Variants in RIT2 observed in about 807,000 individuals in gnomAD.
RIT2 encodes the protein GTP-binding protein Rit2.
RIT2 carries 24 observed loss-of-function variants against 23.7 expected under a neutral mutation model. That is an observed-to-expected ratio of 1.01 (90% confidence interval 0.73 to 1.43). The LOEUF is 1.43. Among genes scored for constraint, RIT2 ranks in the 40% most tolerant of loss-of-function variants. RIT2 has a pLI of 0.00. For synonymous variants in RIT2, 107 were observed against 91.1 expected (o/e 1.17, Z -0.99); for missense variants, 236 against 266.9 (o/e 0.88, Z 0.81).
intron 1 of RIT2, among the ~76,000 whole-genome samples, chr18:43,079,084 A>G (rs938865810): frequency 2.6e-5 from 4 of 152,220 alleles, no homozygotes; most frequent in Admixed American, 2.6e-4. Context: ...AAAGAAAACA[A>G]TTGCAATTGC....
intron 3 of RIT2, among the ~76,000 whole-genome samples, chr18:42,930,087 T>G (rs1305616575): frequency 1.3e-5 from 2 of 152,060 alleles, no homozygotes; most frequent in Admixed American, 1.3e-4. Context: ...AAAGAGGTGG[T>G]ATGTTCTTGT....
intron 3 of RIT2, among the ~76,000 whole-genome samples, chr18:42,940,236 CTATATATATATA>C (rs5824460): frequency 0.05 from 4,340 of 86,964 alleles, 334 homozygotes; most frequent in African/African-American, 0.17. Context: ...GAAAGGCTCA[CTATATATATATA>C]TATATATATA....
In RIT2 at chr18:42,824,757, A is replaced by ATGTG. The variant is rs113714294; in HGVS notation, c.427-81041_427-81038dup. Among the ~76,000 whole-genome samples, 1,200 of 148,622 alleles carry ATGTG rather than the reference A, an allele frequency of 8.1e-3. 6 individuals carry two copies. Among genetic ancestry groups the ATGTG allele is most frequent in the Admixed American group, 0.012 (186 of 14,884 alleles). On this transcript the variant is annotated intron_variant, in intron 4 of 4. Transcript: ENST00000326695. Reference sequence around the variant, plus strand: ...TAAAACCTGTAGGGGCTTTGTGTGTATGTGTGTGTGTGTGTGTGTGTGTTT... The same window carrying ATGTG: ...TAAAACCTGTAGGGGCTTTGTGTGTATGTGTGTGTGTGTGTGTGTGTGTGTGTTT...
intron 3 of RIT2, among the ~76,000 whole-genome samples, chr18:42,964,151 A>G (rs2144190254): frequency 6.6e-6 from 1 of 152,248 alleles, no homozygotes; most frequent in East Asian, 1.9e-4. Context: ...AGATTGTGCC[A>G]TTGCACTCCA....
intron 4 of RIT2, among the ~76,000 whole-genome samples, chr18:42,851,269 T>A (rs1410659750): frequency 6.6e-6 from 1 of 152,252 alleles, no homozygotes; most frequent in Non-Finnish European, 1.5e-5. Flanking sequence ...TCATTTTAAA[T>A]GTAACTTTTC....
intron 4 of RIT2, among the ~76,000 whole-genome samples, chr18:42,802,403 C>A (rs993570218): frequency 6.6e-6 from 1 of 152,074 alleles, no homozygotes; most frequent in African/African-American, 2.4e-5. Context: ...TCAGAAATTG[C>A]ACTGTTCTTG....
chr18:42,939,345 G>A (rs574039188), intron 3 of RIT2, among the ~76,000 whole-genome samples: 50 of 152,202 alleles, frequency 3.3e-4, no homozygotes, highest in African/African-American at 1.1e-3. Flanking sequence ...GACCAAGTCC[G>A]TTATTACAAC....
intron 3 of RIT2, among the ~76,000 whole-genome samples, chr18:42,955,539 T>C (rs999383462): frequency 2.0e-5 from 3 of 152,192 alleles, no homozygotes; most frequent in Non-Finnish European, 2.9e-5. Flanking sequence ...TGACGTTTTA[T>C]GATTTCATGG....
chr18:42,802,642 T>G (rs1361456776), intron 4 of RIT2, among the ~76,000 whole-genome samples: 1 of 152,116 alleles, frequency 6.6e-6, no homozygotes, highest in African/African-American at 2.4e-5. Context: ...TCCTGGGACT[T>G]GGGACATGAT....
At chr18:42,919,017 TA>T (rs1908986101) in intron 4 of RIT2, among the ~76,000 whole-genome samples, 1 of 152,124 alleles carries the variant, frequency 6.6e-6, no homozygotes, top group South Asian at 2.1e-4. Flanking sequence ...TTGTATTATT[TA>T]AGGGGGGCTT....
chr18:42,789,169 A>G (rs1913985730), intron 4 of RIT2, among the ~76,000 whole-genome samples: 1 of 152,302 alleles, frequency 6.6e-6, no homozygotes, highest in Non-Finnish European at 1.5e-5. Flanking sequence ...ACGCACCAAC[A>G]ATTTTACCTA....
At chr18:42,788,493 T>A (rs565866944) in intron 4 of RIT2, among the ~76,000 whole-genome samples, 1 of 152,328 alleles carries the variant, frequency 6.6e-6, no homozygotes, top group South Asian at 2.1e-4. Context: ...TCTTTATCCA[T>A]GAATTGTTTT....
intron 2 of RIT2, among the ~76,000 whole-genome samples, chr18:42,980,054 A>G (rs1220343517): frequency 1.3e-5 from 2 of 152,122 alleles, no homozygotes; most frequent in African/African-American, 4.8e-5. Flanking sequence ...GTTGCATGAG[A>G]TCTGATGTAA....
intron 4 of RIT2, among the ~76,000 whole-genome samples, chr18:42,751,211 A>C (rs1245912870): frequency 6.6e-6 from 1 of 151,942 alleles, no homozygotes; most frequent in Non-Finnish European, 1.5e-5. Context: ...GATGTATAGG[A>C]GTTATTTCCA....
chr18:43,104,446 A>G (rs191221308), intron 1 of RIT2, among the ~76,000 whole-genome samples: 44 of 152,322 alleles, frequency 2.9e-4, no homozygotes, highest in African/African-American at 8.9e-4. Context: ...AGCACAAAGA[A>G]GTAATAAATG....
intron 1 of RIT2, among the ~76,000 whole-genome samples, chr18:43,086,243 AT>A (rs1283360538): frequency 4.6e-5 from 7 of 152,138 alleles, no homozygotes; most frequent in Admixed American, 4.6e-4. Context: ...AGTTTGGAGC[AT>A]TTTAGATTTT....
intron 4 of RIT2, among the ~76,000 whole-genome samples, chr18:42,786,899 T>C (rs997086894): frequency 2.6e-5 from 4 of 152,144 alleles, no homozygotes; most frequent in African/African-American, 9.7e-5. Flanking sequence ...TTTCTACAGC[T>C]CTGATTATCA....
At chr18:42,892,543 T>A (rs2144095757) in intron 4 of RIT2, among the ~76,000 whole-genome samples, 2 of 152,312 alleles carry the variant, frequency 1.3e-5, no homozygotes, top group South Asian at 2.1e-4. Flanking sequence ...TCTGACATTG[T>A]GCTGCCTGAT....
chr18:42,944,729 T>C (rs1909687233), intron 3 of RIT2, among the ~76,000 whole-genome samples: 1 of 152,120 alleles, frequency 6.6e-6, no homozygotes, highest in South Asian at 2.1e-4. Flanking sequence ...ATCATGTTGG[T>C]AGGGATAGGT....
Sources: allele counts gnomAD v4.1 joint callset (sites outside exome capture counted in the v4.1 genomes callset), GRCh38; gene constraint gnomAD v4.1.1; transcripts MANE v1.5; gene names NCBI Gene and HGNC (gene_info 2026-07-23, HGNC 2026-07-21).